The following PCDH15 variants were observed in gnomAD, a reference collection of about 807,000 sequenced individuals.
PCDH15 encodes the protein protocadherin-15.
PCDH15 carries 129 observed loss-of-function variants against 178.5 expected under a neutral mutation model. The observed-to-expected ratio is 0.72, with a 90% CI of 0.63 to 0.84. PCDH15 has a LOEUF of 0.84. PCDH15 is among the 40% of genes least tolerant of loss of function. The probability of loss-of-function intolerance (pLI) is 0.00; values close to 1 mark genes in which losing one functional copy is unlikely to be tolerated. For missense variants in PCDH15, 2,230 were observed against 2,099.9 expected (o/e 1.06, Z -1.21); for synonymous variants, 800 against 732.0 (o/e 1.09, Z -1.50).
At chr10:54,175,996 G>A (rs1211715847) in intron 13 of PCDH15, among the ~76,000 whole-genome samples, 1 of 152,068 alleles carries the variant, frequency 6.6e-6, no homozygotes, top group South Asian at 2.1e-4. Context: ...CAATTTAAGA[G>A]CAGGAAGGGG....
At chr10:55,005,517 T>G (rs772948675) in intron 2 of PCDH15, among the ~76,000 whole-genome samples, 1 of 152,124 alleles carries the variant, frequency 6.6e-6, no homozygotes, top group Non-Finnish European at 1.5e-5. Context: ...CCTCATTAAT[T>G]GATTTCTGGA....
intron 2 of PCDH15, among the ~76,000 whole-genome samples, chr10:55,514,679 G>C (rs1840968113): frequency 6.6e-6 from 1 of 152,104 alleles, no homozygotes; most frequent in African/African-American, 2.4e-5. Flanking sequence ...GTGTCCCTCT[G>C]GGTATGGGAC....
intron 1 of PCDH15, among the ~76,000 whole-genome samples, chr10:55,186,588 G>A (rs939840229): frequency 8.6e-5 from 13 of 151,658 alleles, no homozygotes; most frequent in Non-Finnish European, 1.3e-4. Flanking sequence ...AGTGTAGTCT[G>A]CTTTCACAGC....
chr10:55,566,870 A>G (rs952121902), intron 2 of PCDH15, among the ~76,000 whole-genome samples: 1 of 151,896 alleles, frequency 6.6e-6, no homozygotes, highest in African/African-American at 2.4e-5. Context: ...ATGCAAATCT[A>G]TAGACTTAAC....
chr10:53,850,135 G>A (rs1191549318), intron 28 of PCDH15, among the ~76,000 whole-genome samples: 1 of 151,878 alleles, frequency 6.6e-6, no homozygotes, highest in Non-Finnish European at 1.5e-5. Flanking sequence ...GAACAGAACT[G>A]AAAATCATGG....
At chr10:54,242,744 A>C (rs1018128760) in intron 8 of PCDH15, among the ~76,000 whole-genome samples, 3 of 152,184 alleles carry the variant, frequency 2.0e-5, no homozygotes, top group Non-Finnish European at 2.9e-5. Flanking sequence ...TCATCTGAGT[A>C]ACGTATACAT....
At chr10:54,638,235 G>A (rs951140484) in intron 2 of PCDH15, among the ~76,000 whole-genome samples, 3 of 152,024 alleles carry the variant, frequency 2.0e-5, no homozygotes, top group Admixed American at 2.0e-4. Context: ...TATGAGACTG[G>A]ATTGGGGTAC....
intron 26 of PCDH15, among the ~76,000 whole-genome samples, chr10:53,900,028 A>T (rs2082220779): frequency 6.6e-6 from 1 of 152,064 alleles, no homozygotes; most frequent in Non-Finnish European, 1.5e-5. Flanking sequence ...TGGAAAAAAA[A>T]ATCTAACCAC....
At chr10:54,633,029 A>G (rs939390740) in intron 2 of PCDH15, among the ~76,000 whole-genome samples, 1 of 152,152 alleles carries the variant, frequency 6.6e-6, no homozygotes, top group Non-Finnish European at 1.5e-5. Context: ...TTGTAAACTA[A>G]AGAGAATTCC....
At position 54,786,780 on chromosome 10, in the gene PCDH15, T is replaced by C. The variant is rs150927791; in HGVS notation, c.-29+14145A>G. The stretch of plus-strand genomic sequence containing the variant: ...AATATATGACTTTAGGTTTTCTTCT[T>C]ATCAATCTGTTCCTGTTACTAAGAA... On this transcript the variant is annotated intron_variant, in intron 1 of 37. Coordinates refer to ENST00000644397, the MANE Select transcript of PCDH15 (RefSeq NM_001384140.1). Among the ~76,000 whole-genome samples, 338 of 152,028 alleles carry C rather than the reference T, an allele frequency of 2.2e-3. 2 individuals are homozygous for C. The highest frequency in any genetic ancestry group is 6.6e-3 in the African/African-American group (272 of 41,520).
intron 2 of PCDH15, among the ~76,000 whole-genome samples, chr10:55,493,437 G>A (rs1434431753): frequency 1.3e-5 from 2 of 151,486 alleles, no homozygotes. Flanking sequence ...AGCTACTCAG[G>A]AGGCTGGAGT....
At chr10:54,035,846 T>C (rs1293394895) in intron 18 of PCDH15, among the ~76,000 whole-genome samples, 1 of 152,076 alleles carries the variant, frequency 6.6e-6, no homozygotes, top group East Asian at 1.9e-4. Flanking sequence ...GTGAACGCAA[T>C]GGAAAAGATA....
chr10:54,297,996 C>G (rs560721082), intron 8 of PCDH15, among the ~76,000 whole-genome samples: 1 of 152,112 alleles, frequency 6.6e-6, no homozygotes. Flanking sequence ...GCAAGCCGTG[C>G]CCAGTATGGA....
intron 2 of PCDH15, among the ~76,000 whole-genome samples, chr10:54,578,654 G>T (rs2090745058): frequency 6.6e-6 from 1 of 152,026 alleles, no homozygotes; most frequent in Non-Finnish European, 1.5e-5. Flanking sequence ...GCTGTTGAAG[G>T]CTAATGAACA....
intron 9 of PCDH15, among the ~76,000 whole-genome samples, chr10:54,226,156 G>A (rs867247525): frequency 3.0e-4 from 46 of 152,172 alleles, no homozygotes; most frequent in African/African-American, 9.7e-4. Context: ...AAGGAAAAAG[G>A]TTTAATTGGA....
chr10:54,988,104 A>G (rs1839415536), intron 2 of PCDH15, among the ~76,000 whole-genome samples: 1 of 152,110 alleles, frequency 6.6e-6, no homozygotes, highest in Non-Finnish European at 1.5e-5. Context: ...TCCCAGCACC[A>G]TTTACTGAAT....
At chr10:53,810,488 T>C (rs1450382975) in intron 37 of PCDH15, 68 bp downstream of exon 37, 1 of 1,371,794 alleles carries the variant, frequency 7.3e-7, no homozygotes, top group Non-Finnish European at 1.0e-6. Flanking sequence ...CTACAGCCGC[T>C]AGTCACGTAG....
intron 3 of PCDH15, among the ~76,000 whole-genome samples, chr10:54,433,139 A>G (rs1366671960): frequency 6.6e-6 from 1 of 152,182 alleles, no homozygotes; most frequent in African/African-American, 2.4e-5. Context: ...AATTAGTACA[A>G]CTACTATGGA....
intron 26 of PCDH15, among the ~76,000 whole-genome samples, chr10:53,874,785 T>C (rs1424872905): frequency 6.6e-6 from 1 of 152,050 alleles, no homozygotes; most frequent in Non-Finnish European, 1.5e-5. Context: ...AATATTTGAA[T>C]TAGTAGACAC....
Sources: allele counts gnomAD v4.1 joint callset (sites outside exome capture counted in the v4.1 genomes callset), GRCh38; gene constraint gnomAD v4.1.1; transcripts MANE v1.5; gene names NCBI Gene and HGNC (gene_info 2026-07-23, HGNC 2026-07-21).